Variants in COPG2 observed in about 807,000 individuals in gnomAD.
COPG2 encodes coatomer subunit gamma-2.
Under a neutral mutation model 46.3 loss-of-function variants are expected in COPG2, and 37 were observed. The observed-to-expected ratio is 0.80, with a 90% CI of 0.61 to 1.05. COPG2 has a LOEUF of 1.05. Among genes scored for constraint, COPG2 ranks in the 50% least tolerant of loss-of-function variants. The pLI is 0.00. For synonymous variants in COPG2, 159 were observed against 129.7 expected, an observed-to-expected ratio of 1.23 and a Z score of -1.53; for missense variants, 427 against 387.8, an observed-to-expected ratio of 1.10 and a Z score of -0.85.
chr7:130,520,963 G>T (rs1358624655), intron 20 of COPG2, among the ~76,000 whole-genome samples: 1 of 152,042 alleles, frequency 6.6e-6, no homozygotes, highest in Non-Finnish European at 1.5e-5. Context: ...CCTTTAAAAT[G>T]GTGTATATTA....
chr7:130,646,988 T>TGC (rs1563070198), intron 5 of COPG2, among the ~76,000 whole-genome samples: 5 of 15,122 alleles, frequency 3.3e-4, no homozygotes, highest in Middle Eastern at 0.045. Flanking sequence ...TATATGTATA[T>TGC]ATATATATGT....
intron 9 of COPG2, chr7:130,610,560 T>C (rs782017055): frequency 1.1e-5 from 6 of 522,222 alleles, no homozygotes; most frequent in South Asian, 5.6e-5. Flanking sequence ...TCACATCTTA[T>C]GTGCCTCAGA....
chr7:130,569,837 A>G (rs1321771433), intron 9 of COPG2, among the ~76,000 whole-genome samples: 5 of 152,228 alleles, frequency 3.3e-5, no homozygotes, highest in Admixed American at 3.3e-4. Context: ...ATTCAACAGC[A>G]TATCAAAAAG....
intron 20 of COPG2, among the ~76,000 whole-genome samples, chr7:130,529,165 C>CA (rs1799801401): frequency 6.6e-6 from 1 of 152,032 alleles, no homozygotes; most frequent in South Asian, 2.1e-4. Context: ...TCCAATGCTG[C>CA]ATATTGTGGA....
chr7:130,636,445 T>C (rs1448949257), intron 5 of COPG2, among the ~76,000 whole-genome samples: 1 of 152,298 alleles, frequency 6.6e-6, no homozygotes, highest in African/African-American at 2.4e-5. Context: ...TCTTGTTGCA[T>C]TGATCCCTTT....
rs1794751421 is a variant in COPG2, at chr7:130,607,261, A to T, written c.737+3692T>A. Among the ~76,000 whole-genome samples the T allele has an allele frequency of 1.3e-5, 2 of 151,710 alleles. 1 individual carries two copies. The highest frequency in any genetic ancestry group is 4.2e-4 in the South Asian group (2 of 4,800). ...CTGTCATAAATAAATAAATAAATAAATAAATAAATAAATAAATAAATAAAG... is the reference window on the plus strand; with the variant it reads ...CTGTCATAAATAAATAAATAAATAATTAAATAAATAAATAAATAAATAAAG... On this transcript the variant is annotated intron_variant, in intron 9 of 23. Transcript: ENST00000425248.
chr7:130,564,328 T>C lies in COPG2; in HGVS notation c.803A>G (p.Tyr268Cys), dbSNP rs918823280. ...ATGGATGATAGCTGAAGCAGCTTCA[T>C]AAATAACCATTTCATGTTTATTTCG... The part of the protein sequence containing the change: ...CLRNKHEMVI[Y>C]EAASAIIHLP... Residue 268 changes from tyrosine (Y) to cysteine (C), a missense_variant, in exon 10 of 24, where the codon TAT becomes TGT. Coordinates refer to ENST00000425248, the MANE Select transcript of COPG2 (RefSeq NM_012133.6). 5.0e-6 allele frequency: 2 copies of C among 398,510 alleles called. No individual in the cohort carries two copies. Among genetic ancestry groups the C allele is most frequent in the Non-Finnish European group, 8.8e-6 (2 of 226,064 alleles). 24.7% of individuals were successfully genotyped at this position (398,510 alleles called of 1,614,324 possible). A position where few individuals can be genotyped will look rare whatever the true frequency, so the allele number is the denominator to read the frequency against.
intron 5 of COPG2, among the ~76,000 whole-genome samples, chr7:130,626,776 T>G (rs1795128581): frequency 6.6e-6 from 1 of 152,194 alleles, no homozygotes; most frequent in African/African-American, 2.4e-5. Flanking sequence ...TCTTTTTTCC[T>G]TTTTGCCTTT....
intron 4 of COPG2, among the ~76,000 whole-genome samples, chr7:130,657,033 T>C (rs1458253737): frequency 1.3e-5 from 2 of 150,744 alleles, no homozygotes; most frequent in African/African-American, 2.4e-5. Context: ...AAAATCCATA[T>C]GGAAATGCAA....
chr7:130,522,012 G>A (rs1799728219), intron 20 of COPG2, among the ~76,000 whole-genome samples: 2 of 152,210 alleles, frequency 1.3e-5, no homozygotes, highest in Admixed American at 1.3e-4. Context: ...TCAGAAATGA[G>A]TAGAGGAACT....
At chr7:130,517,312 A>T (rs1436229069) in intron 20 of COPG2, among the ~76,000 whole-genome samples, 3 of 152,210 alleles carry the variant, frequency 2.0e-5, no homozygotes, top group African/African-American at 7.2e-5. Flanking sequence ...AACTAGGCAG[A>T]TCAGATGTAT....
chr7:130,517,522 T>C (rs1348151725), intron 20 of COPG2, among the ~76,000 whole-genome samples: 2 of 152,206 alleles, frequency 1.3e-5, no homozygotes, highest in South Asian at 2.1e-4. Context: ...TAAGGGAGTT[T>C]TATTAAGATG....
chr7:130,605,973 T>C (rs1454903014), intron 9 of COPG2, among the ~76,000 whole-genome samples: 1 of 152,282 alleles, frequency 6.6e-6, no homozygotes, highest in Non-Finnish European at 1.5e-5. Flanking sequence ...TGACTGGAAT[T>C]AGGCACTGGG....
At chr7:130,543,009 CATGG>C (rs2116374017) in intron 20 of COPG2, among the ~76,000 whole-genome samples, 1 of 152,252 alleles carries the variant, frequency 6.6e-6, no homozygotes, top group South Asian at 2.1e-4. Context: ...CTTTACCTGT[CATGG>C]TAACTACTTC....
chr7:130,515,506 G>A (rs1340934327), intron 20 of COPG2, among the ~76,000 whole-genome samples: 1 of 152,194 alleles, frequency 6.6e-6, no homozygotes, highest in Non-Finnish European at 1.5e-5. Flanking sequence ...CATGAGATTT[G>A]AGTAGGGATA....
At chr7:130,662,928 G>A in intron 4 of COPG2, 39 bp downstream of exon 4, 3 of 1,193,136 alleles carry the variant, frequency 2.5e-6, no homozygotes, top group Middle Eastern at 1.9e-4. Context: ...ATAAATAAAA[G>A]GAGGTTTTTC....
intron 5 of COPG2, among the ~76,000 whole-genome samples, chr7:130,652,206 T>C (rs1287550373): frequency 6.6e-6 from 1 of 152,230 alleles, no homozygotes; most frequent in Admixed American, 6.5e-5. Flanking sequence ...TTATGTCTGA[T>C]TATTTTCCAA....
At position 130,651,415 on chromosome 7, in the gene COPG2, C is replaced by G. The variant is rs551973439; in HGVS notation, c.323+1454G>C. ...CACCGCAATCTCCACCTCCCAGGCT[C>G]CAGCGATTCTCCCGCCTCAGCCTCC... On this transcript the variant is annotated intron_variant, in intron 5 of 23. Coordinates refer to ENST00000425248, the MANE Select transcript of COPG2 (RefSeq NM_012133.6). 2.6e-3 allele frequency among the ~76,000 whole-genome samples: 388 copies of G among 151,602 alleles called. 4 individuals are homozygous for G. Among genetic ancestry groups the G allele is most frequent in the Admixed American group, 7.7e-3 (118 of 15,242 alleles).
chr7:130,553,076 G>A (rs1291910666), intron 14 of COPG2, among the ~76,000 whole-genome samples: 1 of 152,182 alleles, frequency 6.6e-6, no homozygotes, highest in Non-Finnish European at 1.5e-5. Context: ...ACCAAGTACT[G>A]TTAGCCAGAG....
Sources: gnomAD v4.1 joint callset for allele counts (sites outside exome capture counted in the v4.1 genomes callset) on GRCh38, gnomAD v4.1.1 for gene constraint, MANE v1.5 for transcripts, NCBI Gene and HGNC (gene_info 2026-07-23, HGNC 2026-07-21) for gene names.